SFMBT2: variants seen among roughly 807,000 people sequenced by gnomAD.
The protein encoded by SFMBT2 is Scm like with four mbt domains 2, also known as scm-like with four MBT domains protein 2.
SFMBT2 carries 38 observed loss-of-function variants against 110.1 expected under a neutral mutation model. That is an observed-to-expected ratio of 0.35 (90% CI 0.27 to 0.45). The LOEUF is 0.45. Ranked by LOEUF, SFMBT2 falls within the 20% of genes least tolerant of loss-of-function variation. The pLI is 1.00. For missense variants in SFMBT2, 1,011 were observed against 1,094.9 expected, an observed-to-expected ratio of 0.92 and a Z score of 1.08; for synonymous variants, 425 against 425.4, an observed-to-expected ratio of 1.00 and a Z score of 0.01.
chr10:7,202,528 G>C lies in SFMBT2; in HGVS notation c.1445-6C>G, dbSNP rs1564380656. On this transcript the variant is annotated splice_region_variant and splice_polypyrimidine_tract_variant and intron_variant, in intron 12 of 20. Transcript: ENST00000397167. ...AATCTTTCTCTTCTTTTGTGCTGTA[G>C]AAAAGGCAAAACGGAAAAAGAAAAT... The C allele has an allele frequency of 6.2e-7, 1 of 1,614,136 alleles. No individual in the cohort carries two copies. Among genetic ancestry groups the C allele is most frequent in the East Asian group, 2.2e-5 (1 of 44,876 alleles).
chr10:7,285,980 A>C, intron 4 of SFMBT2, 26 bp from the exon 5 acceptor site: 1 of 858,542 alleles, frequency 1.2e-6, no homozygotes, highest in South Asian at 1.3e-5. Context: ...AGAAAGAAAA[A>C]CAAAACAAAA....
At position 7,342,778 on chromosome 10, in the gene SFMBT2, T is replaced by G. The variant is rs138875146; in HGVS notation, c.436+24871A>C. On this transcript the variant is annotated intron_variant, in intron 4 of 20. Coordinates refer to ENST00000397167, the MANE Select transcript of SFMBT2 (RefSeq NM_001387889.1). ...AAATATAATCACTCGTGTCCATATT[T>G]CCTTTGTTTTACCCAAAACTATCAG... Among the ~76,000 whole-genome samples the G allele has an allele frequency of 2.8e-3, 432 of 152,316 alleles. 2 individuals carry two copies. Among genetic ancestry groups the G allele is most frequent in the African/African-American group, 9.9e-3 (413 of 41,560 alleles).
chr10:7,297,492 C>G (rs1464705734), intron 4 of SFMBT2, among the ~76,000 whole-genome samples: 1 of 151,012 alleles, frequency 6.6e-6, no homozygotes, highest in Admixed American at 6.6e-5. Flanking sequence ...GGGCTCAGAG[C>G]TAAATAAAGG....
intron 1 of SFMBT2, among the ~76,000 whole-genome samples, 182 bp downstream of exon 1, chr10:7,410,679 C>T (rs1846350036): frequency 6.6e-6 from 1 of 151,980 alleles, no homozygotes; most frequent in South Asian, 2.1e-4. Flanking sequence ...CTGCACCCTC[C>T]CCAGCCTTCC....
At chr10:7,189,518 A>G (rs1344606072) in intron 15 of SFMBT2, among the ~76,000 whole-genome samples, 1 of 152,222 alleles carries the variant, frequency 6.6e-6, no homozygotes, top group African/African-American at 2.4e-5. Context: ...CCTTTCAAAA[A>G]GCAAATCATC....
intron 8 of SFMBT2, chr10:7,243,938 G>T: frequency 4.1e-6 from 1 of 242,288 alleles, no homozygotes; most frequent in Non-Finnish European, 6.7e-6. Flanking sequence ...ATCTGGAAGA[G>T]TGAGAATGAA....
At chr10:7,257,091 GAA>G in intron 7 of SFMBT2, among the ~76,000 whole-genome samples, 2 of 121,922 alleles carry the variant, frequency 1.6e-5, no homozygotes, top group African/African-American at 6.2e-5. Context: ...GACTCCGTTG[GAA>G]AGGGAAGGGG....
In SFMBT2 at chr10:7,232,157, T is replaced by C. The variant is rs553092557; in HGVS notation, c.1121-4220A>G. Among the ~76,000 whole-genome samples the C allele has an allele frequency of 4.9e-4, 75 of 152,352 alleles. No individual in the cohort carries two copies. The South Asian group carries it at 0.015, about 30-fold the overall frequency. ...AGCTTTTATTAGTGTTTATTCTGAA[T>C]GAAGTTTCAACCCTTACAGGTCCAA... On this transcript the variant is annotated intron_variant, in intron 9 of 20. Transcript: ENST00000397167.
intron 1 of SFMBT2, among the ~76,000 whole-genome samples, chr10:7,395,180 G>A (rs1052943979): frequency 4.6e-5 from 7 of 152,180 alleles, no homozygotes; most frequent in Admixed American, 2.0e-4. Context: ...CTAGCCCAGC[G>A]TGGTGGCGCG....
intron 7 of SFMBT2, among the ~76,000 whole-genome samples, chr10:7,272,815 CAG>C (rs1474976044): frequency 6.6e-6 from 1 of 152,180 alleles, no homozygotes; most frequent in African/African-American, 2.4e-5. Context: ...TTTTTTGAGA[CAG>C]AGTCTTGCTC....
chr10:7,205,731 G>A, intron 12 of SFMBT2, 84 bp downstream of exon 12: 12 of 1,509,054 alleles, frequency 8.0e-6, no homozygotes, highest in Non-Finnish European at 1.1e-5. Context: ...TTTAGAACTT[G>A]GTTATAATTT....
chr10:7,324,844 C>T (rs144709220), intron 4 of SFMBT2, among the ~76,000 whole-genome samples: 287 of 151,628 alleles, frequency 1.9e-3, no homozygotes, highest in Non-Finnish European at 3.3e-3. Flanking sequence ...AGAAGGGAGG[C>T]GGAGGGAGAG....
In SFMBT2 at chr10:7,256,417, C is replaced by A. The variant is rs184333055; in HGVS notation, c.871-7768G>T. Reference sequence around the variant, plus strand: ...ACTAACACTGATCATTTACTTAAAACCTCCAAGTTTTGCTGTTAATTCCTC... The same window carrying A: ...ACTAACACTGATCATTTACTTAAAAACTCCAAGTTTTGCTGTTAATTCCTC... On this transcript the variant is annotated intron_variant, in intron 7 of 20. Coordinates refer to ENST00000397167, the MANE Select transcript of SFMBT2 (RefSeq NM_001387889.1). 9.8e-5 allele frequency among the ~76,000 whole-genome samples: 15 copies of A among 152,330 alleles called. No individual in the cohort carries two copies. The East Asian group carries it at 2.9e-3, about 29-fold the overall frequency.
At chr10:7,304,179 G>A (rs1842631498) in intron 4 of SFMBT2, among the ~76,000 whole-genome samples, 1 of 152,180 alleles carries the variant, frequency 6.6e-6, no homozygotes, top group African/African-American at 2.4e-5. Flanking sequence ...TGTGTCTTGG[G>A]AGGGACCCAC....
chr10:7,294,728 T>C (rs1842354624), intron 4 of SFMBT2, among the ~76,000 whole-genome samples: 1 of 152,220 alleles, frequency 6.6e-6, no homozygotes, highest in Admixed American at 6.5e-5. Context: ...GGCAAACTGC[T>C]CTCCAAAGTC....
At chr10:7,352,670 C>T (rs1206563896) in intron 4 of SFMBT2, among the ~76,000 whole-genome samples, 1 of 152,124 alleles carries the variant, frequency 6.6e-6, no homozygotes, top group African/African-American at 2.4e-5. Context: ...CTTGCTAAGC[C>T]AAGGAGTGAA....
At chr10:7,396,177 A>T (rs1485011444) in intron 1 of SFMBT2, among the ~76,000 whole-genome samples, 2 of 152,174 alleles carry the variant, frequency 1.3e-5, no homozygotes, top group African/African-American at 4.8e-5. Context: ...TGAACCCAGG[A>T]GATGGAGGTT....
chr10:7,272,244 T>C (rs1315994797), intron 7 of SFMBT2, among the ~76,000 whole-genome samples: 2 of 151,936 alleles, frequency 1.3e-5, no homozygotes, highest in Non-Finnish European at 2.9e-5. Context: ...CCTCCTAAAC[T>C]CTAACCAAAA....
intron 12 of SFMBT2, chr10:7,204,826 T>A (rs867342962): frequency 2.2e-6 from 1 of 463,800 alleles, no homozygotes; most frequent in Non-Finnish European, 2.8e-6. Flanking sequence ...AGAGCCGAGA[T>A]AGCGCCATTG....
Sources: allele counts gnomAD v4.1 joint callset (sites outside exome capture counted in the v4.1 genomes callset), GRCh38; gene constraint gnomAD v4.1.1; transcripts MANE v1.5; gene names NCBI Gene and HGNC (gene_info 2026-07-23, HGNC 2026-07-21).